POU6F2: variants seen among roughly 807,000 people sequenced by gnomAD.
POU6F2 encodes the protein POU class 6 homeobox 2.
A neutral mutation model predicts 71.3 loss-of-function variants in POU6F2; 31 were observed. The observed-to-expected ratio is 0.43, with a 90% CI of 0.33 to 0.59. POU6F2 has a LOEUF of 0.59. Ranked by LOEUF, POU6F2 falls within the 20% of genes least tolerant of loss-of-function variation. The pLI is 0.04. For missense variants in POU6F2, 783 were observed against 856.8 expected, an observed-to-expected ratio of 0.91 and a Z score of 1.07; for synonymous variants, 347 against 355.7, an observed-to-expected ratio of 0.98 and a Z score of 0.27.
intron 7 of POU6F2, among the ~76,000 whole-genome samples, chr7:39,448,064 TA>T (rs1320296614): frequency 6.6e-6 from 1 of 152,226 alleles, no homozygotes; most frequent in East Asian, 1.9e-4. Context: ...TAAAGATTAA[TA>T]CACCAAAAAC....
intron 4 of POU6F2, among the ~76,000 whole-genome samples, chr7:39,311,484 A>G (rs1464248632): frequency 6.6e-6 from 1 of 152,214 alleles, no homozygotes; most frequent in Non-Finnish European, 1.5e-5. Context: ...TAAGCTCCGC[A>G]TTGGCAGGAA....
At chr7:39,080,601 C>T (rs1405989) in intron 1 of POU6F2, among the ~76,000 whole-genome samples, 1 of 152,054 alleles carries the variant, frequency 6.6e-6, no homozygotes, top group Non-Finnish European at 1.5e-5. Flanking sequence ...TATAACTTTA[C>T]CATACTTGAG....
intron 4 of POU6F2, among the ~76,000 whole-genome samples, chr7:39,322,711 A>T (rs1029351642): frequency 6.6e-6 from 1 of 152,204 alleles, no homozygotes; most frequent in Non-Finnish European, 1.5e-5. Context: ...ATTTTACAGA[A>T]TTTTTAGGAT....
At position 39,354,828 on chromosome 7, in the gene POU6F2, T is replaced by C. The variant is rs1319407065; in HGVS notation, c.972+14813T>C. 3.3e-5 allele frequency among the ~76,000 whole-genome samples: 5 copies of C among 152,360 alleles called. 1 individual carries two copies. In the East Asian group the frequency reaches 5.8e-4, roughly 18 times the overall value. Reference sequence around the variant, plus strand: ...GAAACTAGATAAAGAGAGTTCAGCCTTTCCTGAAGGAAATCATCTTAAAAC... The same window carrying C: ...GAAACTAGATAAAGAGAGTTCAGCCCTTCCTGAAGGAAATCATCTTAAAAC... On this transcript the variant is annotated intron_variant, in intron 5 of 9. Transcript: ENST00000518318.
rs560199436 is a variant in POU6F2, at chr7:39,013,445, A to T, written c.105+35387A>T. 9.5e-4 allele frequency: 152 copies of T among 159,436 alleles called. 1 individual carries two copies. The highest frequency in any genetic ancestry group is 8.7e-3 in the Middle Eastern group (3 of 344). The allele number at this position is 159,436 out of a possible 1,614,324, so 9.9% of individuals were successfully genotyped here. On this transcript the variant is annotated intron_variant, in intron 1 of 9. Coordinates refer to ENST00000518318, the MANE Select transcript of POU6F2 (RefSeq NM_001370959.1). ...CACTGTCTGGAACTCCCTAGTGAGAAGAACCCGGTACCTCAGATGGAAATG... is the reference window on the plus strand; with the variant it reads ...CACTGTCTGGAACTCCCTAGTGAGATGAACCCGGTACCTCAGATGGAAATG...
chr7:38,984,287 T>C (rs532138202), intron 1 of POU6F2: 12 of 152,296 alleles, frequency 7.9e-5, no homozygotes, highest in Admixed American at 5.2e-4. Context: ...TTTGTTCTCC[T>C]TCTTCACTGC....
At chr7:39,312,849 G>A (rs555314420) in intron 4 of POU6F2, among the ~76,000 whole-genome samples, 35 of 152,296 alleles carry the variant, frequency 2.3e-4, no homozygotes, top group African/African-American at 7.9e-4. Flanking sequence ...TTCACTTCCC[G>A]CAGGGGACAG....
intron 2 of POU6F2, among the ~76,000 whole-genome samples, chr7:39,193,964 A>G (rs1037131137): frequency 3.3e-5 from 5 of 152,262 alleles, no homozygotes; most frequent in African/African-American, 1.2e-4. Context: ...ATACAAAGTC[A>G]TTAGTGTATG....
At chr7:39,140,951 G>A (rs1360033676) in intron 2 of POU6F2, among the ~76,000 whole-genome samples, 1 of 152,124 alleles carries the variant, frequency 6.6e-6, no homozygotes, top group African/African-American at 2.4e-5. Flanking sequence ...CAACACAGGG[G>A]CCCATGCCTA....
At chr7:39,230,466 A>G (rs1045355743) in intron 4 of POU6F2, among the ~76,000 whole-genome samples, 18 of 151,972 alleles carry the variant, frequency 1.2e-4, no homozygotes, top group Non-Finnish European at 1.8e-4. Context: ...CCTGGGTGAC[A>G]GCATAAGACC....
intron 2 of POU6F2, among the ~76,000 whole-genome samples, chr7:39,151,188 G>T (rs534240589): frequency 1.6e-4 from 25 of 152,230 alleles, no homozygotes; most frequent in African/African-American, 5.8e-4. Context: ...CTTCTAGAGA[G>T]TTCTTTTCCT....
At chr7:39,156,373 G>A (rs1201443445) in intron 2 of POU6F2, among the ~76,000 whole-genome samples, 1 of 152,038 alleles carries the variant, frequency 6.6e-6, no homozygotes, top group East Asian at 1.9e-4. Context: ...AATTTCACAT[G>A]TTTTTTTCCC....
At chr7:39,339,526 A>G (rs756290463) in intron 4 of POU6F2, 116 bp from the exon 5 acceptor site, 184 of 1,375,932 alleles carry the variant, frequency 1.3e-4, no homozygotes, top group Non-Finnish European at 1.7e-4. Context: ...TTCAGGGGGC[A>G]AGGACAAGAA....
intron 5 of POU6F2, among the ~76,000 whole-genome samples, chr7:39,405,428 G>A (rs927568960): frequency 6.6e-6 from 1 of 152,140 alleles, no homozygotes; most frequent in Non-Finnish European, 1.5e-5. Context: ...CTTGAATTAG[G>A]TATGGCATTA....
rs142198705 is a variant in POU6F2, at chr7:39,246,161, A to G, written c.598+38541A>G. ...GAGAAATGTTGGTCAACCTTTAGGAATATAATCTATGAAATCATGTTTGAC... is the reference window on the plus strand; with the variant it reads ...GAGAAATGTTGGTCAACCTTTAGGAGTATAATCTATGAAATCATGTTTGAC... On this transcript the variant is annotated intron_variant, in intron 4 of 9. Coordinates refer to ENST00000518318, the MANE Select transcript of POU6F2 (RefSeq NM_001370959.1). Among the ~76,000 whole-genome samples, 4 of 152,292 alleles carry G rather than the reference A, an allele frequency of 2.6e-5. No individual in the cohort carries two copies. In the East Asian group the frequency reaches 7.7e-4, roughly 29 times the overall value.
At chr7:39,107,298 G>A (rs1289341317) in intron 2 of POU6F2, among the ~76,000 whole-genome samples, 1 of 151,622 alleles carries the variant, frequency 6.6e-6, no homozygotes, top group East Asian at 1.9e-4. Flanking sequence ...TCCCACCTAA[G>A]CCTCCCAAAG....
chr7:39,217,785 CTT>C (rs1794272688), intron 4 of POU6F2, among the ~76,000 whole-genome samples: 1 of 152,102 alleles, frequency 6.6e-6, no homozygotes, highest in Admixed American at 6.6e-5. Context: ...AGGCTTTAGA[CTT>C]TTTATTTAAA....
At chr7:39,196,374 G>C (rs1161968536) in intron 2 of POU6F2, among the ~76,000 whole-genome samples, 2 of 152,146 alleles carry the variant, frequency 1.3e-5, no homozygotes, top group Non-Finnish European at 2.9e-5. Context: ...ACCTGTAATA[G>C]ACATGTTGAT....
At chr7:39,030,852 C>T (rs1367189547) in intron 1 of POU6F2, among the ~76,000 whole-genome samples, 2 of 145,768 alleles carry the variant, frequency 1.4e-5, no homozygotes, top group Non-Finnish European at 3.1e-5. Context: ...TATCCTCCTG[C>T]CCCCCCCAAA....
Sources: allele counts gnomAD v4.1 joint callset (sites outside exome capture counted in the v4.1 genomes callset), GRCh38; gene constraint gnomAD v4.1.1; transcripts MANE v1.5; gene names NCBI Gene and HGNC (gene_info 2026-07-23, HGNC 2026-07-21).